ANKS3: variants seen among roughly 807,000 people sequenced by gnomAD.
ANKS3 encodes the protein ankyrin repeat and sterile alpha motif domain containing 3.
Under a neutral mutation model 80.7 loss-of-function variants are expected in ANKS3, and 62 were observed. The ratio of observed to expected loss-of-function variants is 0.77; its 90% confidence interval spans 0.63 to 0.95. The LOEUF is 0.95. Ranked by LOEUF, ANKS3 falls within the 40% of genes least tolerant of loss-of-function variation. The pLI is 0.00. For synonymous variants in ANKS3, 489 were observed against 355.3 expected (o/e 1.38, Z -4.23); for missense variants, 1,150 against 883.6 (o/e 1.30, Z -3.82).
At chr16:4,701,953 A>G in intron 9 of ANKS3, 149 bp downstream of exon 9, 1 of 1,012,008 alleles carries the variant, frequency 9.9e-7, no homozygotes, top group Non-Finnish European at 1.4e-6. Flanking sequence ...CATTCCTCAC[A>G]AGAACCAGGG....
In ANKS3 at chr16:4,699,128, C is replaced by T. The variant is rs1448042644; in HGVS notation, c.1333G>A (p.Val445Met). 1 of 1,614,160 alleles carries T rather than the reference C, an allele frequency of 6.2e-7. No homozygotes were observed. Among genetic ancestry groups the T allele is most frequent in the Non-Finnish European group, 8.5e-7 (1 of 1,180,046 alleles). ...AGGTCCACGTCCTGCTCCTCAAACA[C>T]CTGCAGGTACTTCAGACACCCGATC... ...EQIGCLKYLQ[V>M]FEEQDVDLRI... Residue 445 changes from valine to methionine, a missense_variant, in exon 12 of 18, where the codon GTG becomes ATG. Coordinates refer to ENST00000304283, the MANE Select transcript of ANKS3 (RefSeq NM_133450.4).
chr16:4,734,013 C>A lies in ANKS3; in HGVS notation c.-146G>T, dbSNP rs910001892. 1 of 985,258 alleles carries A rather than the reference C, an allele frequency of 1.0e-6. No homozygotes were observed. Among genetic ancestry groups the A allele is most frequent in the Non-Finnish European group, 1.2e-6 (1 of 829,860 alleles). 61.0% of individuals were successfully genotyped at this position (985,258 alleles called of 1,614,324 possible). On this transcript the variant is annotated 5_prime_UTR_variant, in exon 1 of 18. Transcript: ENST00000304283. Reference sequence around the variant, plus strand: ...CGGCGCACAGGGCATTACTGTGCCCCCACCACAACCACATAAAGAAAATGT... The same window carrying A: ...CGGCGCACAGGGCATTACTGTGCCCACACCACAACCACATAAAGAAAATGT...
intron 11 of ANKS3, chr16:4,700,518 A>G: frequency 3.1e-6 from 1 of 319,790 alleles, no homozygotes; most frequent in Admixed American, 4.4e-5. Context: ...CACAGGTGAG[A>G]CAGCTGAGCT....
chr16:4,726,563 G>A, intron 5 of ANKS3, 96 bp downstream of exon 5: 4 of 1,342,718 alleles, frequency 3.0e-6, no homozygotes, highest in South Asian at 2.5e-5. Flanking sequence ...GAAGCAGGGT[G>A]GCCCTAAACT....
intron 2 of ANKS3, chr16:4,730,367 T>C (rs2081555450): frequency 2.5e-6 from 1 of 394,460 alleles, no homozygotes; most frequent in Admixed American, 4.5e-5. Flanking sequence ...ATCACACCAG[T>C]AAAGAGGAGC....
chr16:4,708,624 T>C (rs1001876703), intron 7 of ANKS3, among the ~76,000 whole-genome samples: 1 of 152,090 alleles, frequency 6.6e-6, no homozygotes, highest in Non-Finnish European at 1.5e-5. Context: ...GACAAAGTAC[T>C]AGTATTTAAC....
At position 4,730,108 on chromosome 16, in the gene ANKS3, C is replaced by T; in HGVS notation, c.42G>A (p.Leu14=). The T allele has an allele frequency of 6.3e-7, 1 of 1,592,278 alleles. No homozygotes were observed. Residue 14 remains leucine (L), a synonymous_variant, in exon 3 of 18, where the codon CTG becomes CTA. Transcript: ENST00000304283. ...CGTGCCACATGGACAAGCTGCGGTT[C>T]AGGAGTTCCGGCTCGCTGGCTTCAT... ...LSDEASEPEL[L]NRSLSMWHGL...
Position 4,701,557 on chromosome 16 carries a change from G to C in ANKS3, c.1010-14C>G. 6.2e-7 allele frequency: 1 copy of C among 1,601,680 alleles called. No homozygotes were observed. The highest frequency in any genetic ancestry group is 2.2e-5 in the East Asian group (1 of 44,520). Reference sequence around the variant, plus strand: ...AAGCATGTTCCTCTGAGGGCGGGAAGACAGGGCGTCCGCCTGCAGCCCTCA... The same window carrying C: ...AAGCATGTTCCTCTGAGGGCGGGAACACAGGGCGTCCGCCTGCAGCCCTCA... On this transcript the variant is annotated splice_polypyrimidine_tract_variant and intron_variant, in intron 9 of 17. Transcript: ENST00000304283.
rs769027098 is a variant in ANKS3, at chr16:4,701,473, G to A, written c.1080C>T (p.Ala360=). The change falls in exon 10 of 18, where the codon GCC becomes GCT. Residue 360 remains alanine, a synonymous_variant. Coordinates refer to ENST00000304283, the MANE Select transcript of ANKS3 (RefSeq NM_133450.4). ...CAGAAGCTTCGCTGCTGAGCCCCTG[G>A]GCTCTGGCCAGGCCCTCGCTGCTGC... ...SSSSSEGLAR[A]QGLSSEASVE... 64 of 1,610,700 alleles carry A rather than the reference G, an allele frequency of 4.0e-5. No individual in the cohort carries two copies. In the Admixed American group the frequency reaches 4.5e-4, roughly 11 times the overall value.
chr16:4,728,538 A>G (rs1308375142), intron 3 of ANKS3, among the ~76,000 whole-genome samples: 2 of 151,960 alleles, frequency 1.3e-5, no homozygotes, highest in African/African-American at 2.4e-5. Flanking sequence ...TCCTAACACT[A>G]TCTTCCTTTA....
At chr16:4,706,726 C>G (rs1038326891) in intron 7 of ANKS3, among the ~76,000 whole-genome samples, 1 of 152,154 alleles carries the variant, frequency 6.6e-6, no homozygotes, top group Non-Finnish European at 1.5e-5. Context: ...GAGTTGTATA[C>G]AGGAGGAAAT....
intron 7 of ANKS3, among the ~76,000 whole-genome samples, chr16:4,709,076 G>A (rs2080351018): frequency 6.6e-6 from 1 of 151,958 alleles, no homozygotes; most frequent in African/African-American, 2.4e-5. Flanking sequence ...GACCAGCCTG[G>A]GCAACATACT....
intron 11 of ANKS3, 40 bp downstream of exon 11, chr16:4,700,930 C>T (rs1274654668): frequency 1.4e-5 from 22 of 1,612,102 alleles, no homozygotes; most frequent in South Asian, 3.3e-5. Context: ...CAAAAAGTGC[C>T]GTCTCTGAGT....
At position 4,701,203 on chromosome 16, in the gene ANKS3, C is replaced by G; in HGVS notation, c.1120-69G>C. On this transcript the variant is annotated intron_variant, in intron 10 of 17. Coordinates refer to ENST00000304283, the MANE Select transcript of ANKS3 (RefSeq NM_133450.4). ...TGAGAGCCTTGGTGAAACCCCCACC[C>G]GCCACACAGGGGCTTGAGAGGCTTC... 5 of 1,597,080 alleles carry G rather than the reference C, an allele frequency of 3.1e-6. No individual in the cohort carries two copies. In the South Asian group the frequency reaches 5.5e-5, roughly 18 times the overall value.
intron 7 of ANKS3, 165 bp downstream of exon 7, chr16:4,713,886 T>A: frequency 1.0e-6 from 1 of 957,760 alleles, no homozygotes; most frequent in African/African-American, 1.7e-5. Flanking sequence ...TATCTCCTGT[T>A]AGAGCAGGGG....
intron 3 of ANKS3, chr16:4,727,527 C>A (rs949021763): frequency 2.8e-6 from 1 of 359,340 alleles, no homozygotes; most frequent in Non-Finnish European, 5.3e-6. Flanking sequence ...CAGGGAAGGG[C>A]TGCTGGAGGC....
chr16:4,699,262 C>T (rs1201959456), intron 11 of ANKS3, 86 bp from the exon 12 acceptor site: 1 of 1,521,354 alleles, frequency 6.6e-7, no homozygotes, highest in African/African-American at 1.4e-5. Context: ...CCCACCACTT[C>T]CCCAGGCTCA....
At chr16:4,712,635 C>G (rs753787888) in intron 7 of ANKS3, among the ~76,000 whole-genome samples, 2 of 152,114 alleles carry the variant, frequency 1.3e-5, no homozygotes, top group Non-Finnish European at 2.9e-5. Flanking sequence ...AAACACCACT[C>G]AGGAATAGAA....
At chr16:4,720,650 T>C (rs1467789993) in intron 6 of ANKS3, among the ~76,000 whole-genome samples, 1 of 150,882 alleles carries the variant, frequency 6.6e-6, no homozygotes, top group Non-Finnish European at 1.5e-5. Context: ...GTAAGAAATG[T>C]CAACGGTAGG....
Sources: allele counts gnomAD v4.1 joint callset (sites outside exome capture counted in the v4.1 genomes callset), GRCh38; gene constraint gnomAD v4.1.1; transcripts MANE v1.5; gene names NCBI Gene and HGNC (gene_info 2026-07-23, HGNC 2026-07-21).